Variants in PVT1 observed in about 807,000 individuals in gnomAD.
PVT1 encodes CXCR4/PVT1 fusion.
At chr8:128,074,418 G>C (rs1213483172) in intron 5 of PVT1, among the ~76,000 whole-genome samples, 1 of 151,850 alleles carries the variant, frequency 6.6e-6, no homozygotes, top group Non-Finnish European at 1.5e-5. Flanking sequence ...AGCTACTCAG[G>C]AGGCTGAGAC....
At chr8:127,957,396 A>G (rs752978917) in intron 3 of PVT1, among the ~76,000 whole-genome samples, 7 of 151,998 alleles carry the variant, frequency 4.6e-5, no homozygotes, top group Non-Finnish European at 8.8e-5. Context: ...GTGAAACCCC[A>G]TCTCTATTAA....
chr8:128,032,930 C>T (rs1294978097), intron 4 of PVT1, among the ~76,000 whole-genome samples: 11 of 152,188 alleles, frequency 7.2e-5, no homozygotes, highest in Admixed American at 7.2e-4. Flanking sequence ...GGCGAGTGAC[C>T]TCACCACACT....
chr8:127,926,697 C>T (rs1051881838), intron 3 of PVT1, among the ~76,000 whole-genome samples: 43 of 152,202 alleles, frequency 2.8e-4, no homozygotes, highest in African/African-American at 1.0e-3. Context: ...GACAGACATT[C>T]CCTCCTCAGG....
At chr8:127,964,363 C>T (rs535754306) in intron 3 of PVT1, among the ~76,000 whole-genome samples, 8 of 152,274 alleles carry the variant, frequency 5.3e-5, no homozygotes, top group African/African-American at 1.7e-4. Context: ...GATACAGCAG[C>T]GACCAACCGA....
intron 6 of PVT1, among the ~76,000 whole-genome samples, chr8:128,098,492 C>T (rs148746297): frequency 4.6e-5 from 7 of 152,314 alleles, no homozygotes; most frequent in Non-Finnish European, 8.8e-5. Context: ...CATCCGGTTG[C>T]GGCCTCTCGG....
chr8:127,886,637 T>A (rs1253676970), intron 2 of PVT1, among the ~76,000 whole-genome samples: 1 of 152,144 alleles, frequency 6.6e-6, no homozygotes, highest in Non-Finnish European at 1.5e-5. Context: ...TTTTTAATTG[T>A]AGAATTTCCA....
chr8:128,042,106 G>A lies in PVT1; in HGVS notation n.913-28054G>A, dbSNP rs559467931. The stretch of plus-strand genomic sequence containing the variant: ...TAAAGCATGTGAAGCTTCCTTAATG[G>A]CAAGTGTTGGTACAAATAGTTTTGC... On this transcript the variant is annotated intron_variant and non_coding_transcript_variant, in intron 4 of 10. Transcript: ENST00000651587. 5.3e-5 allele frequency among the ~76,000 whole-genome samples: 8 copies of A among 152,258 alleles called. No individual in the cohort carries two copies. The South Asian group carries it at 8.3e-4, about 16-fold the overall frequency.
intron 6 of PVT1, chr8:128,099,972 C>A (rs562953362): frequency 6.6e-6 from 1 of 152,116 alleles, no homozygotes; most frequent in African/African-American, 2.4e-5. Context: ...CAGCCAGCCG[C>A]AGGGTGGGTT....
chr8:127,985,708 A>G (rs1453265588), intron 3 of PVT1, among the ~76,000 whole-genome samples: 1 of 152,166 alleles, frequency 6.6e-6, no homozygotes, highest in East Asian at 1.9e-4. Flanking sequence ...AACATATCCC[A>G]AAGCTGGAGC....
chr8:127,859,055 G>A (rs540500920), intron 2 of PVT1, among the ~76,000 whole-genome samples: 7 of 151,988 alleles, frequency 4.6e-5, no homozygotes, highest in Middle Eastern at 3.4e-3. Flanking sequence ...TGATTCTCCC[G>A]TCTTAGCTTC....
chr8:128,030,367 A>G (rs1226970431), intron 4 of PVT1, among the ~76,000 whole-genome samples: 1 of 152,236 alleles, frequency 6.6e-6, no homozygotes, highest in Non-Finnish European at 1.5e-5. Flanking sequence ...AAAGTAAAGA[A>G]TAGGTTCCTC....
intron 2 of PVT1, among the ~76,000 whole-genome samples, chr8:127,810,256 A>G (rs901943280): frequency 2.6e-5 from 4 of 152,196 alleles, no homozygotes; most frequent in South Asian, 2.1e-4. Context: ...AATTCCATAC[A>G]TACTTTCTGC....
At chr8:128,048,285 G>A (rs1179958276) in intron 4 of PVT1, among the ~76,000 whole-genome samples, 1 of 152,184 alleles carries the variant, frequency 6.6e-6, no homozygotes, top group African/African-American at 2.4e-5. Flanking sequence ...AACAGAGAGA[G>A]GAGTTTTCTT....
At chr8:127,896,781 C>A (rs907407058) in intron 3 of PVT1, among the ~76,000 whole-genome samples, 70 of 92,796 alleles carry the variant, frequency 7.5e-4, no homozygotes, top group South Asian at 2.7e-3. Flanking sequence ...TCCTCCCCCC[C>A]CCCGCCCCCG....
chr8:128,019,522 G>A (rs765537333), intron 4 of PVT1, among the ~76,000 whole-genome samples: 3 of 152,196 alleles, frequency 2.0e-5, no homozygotes, highest in African/African-American at 7.2e-5. Flanking sequence ...AAACGAGTTC[G>A]CAAATTTCTT....
chr8:127,966,254 T>C (rs909274795), intron 3 of PVT1, among the ~76,000 whole-genome samples: 1 of 152,210 alleles, frequency 6.6e-6, no homozygotes, highest in Non-Finnish European at 1.5e-5. Context: ...CTCATAATTG[T>C]ACCAAAAGCT....
At chr8:127,795,141 A>AC (rs767330472) in intron 1 of PVT1, among the ~76,000 whole-genome samples, 123 of 151,794 alleles carry the variant, frequency 8.1e-4, no homozygotes, top group Non-Finnish European at 1.4e-3. Flanking sequence ...TTCCTCTCAC[A>AC]CCCCCTCAGG....
intron 2 of PVT1, among the ~76,000 whole-genome samples, chr8:127,801,028 C>G (rs1341502715): frequency 2.0e-5 from 3 of 152,078 alleles, no homozygotes; most frequent in Non-Finnish European, 4.4e-5. Flanking sequence ...GCGTTTCAGG[C>G]TCTGGGAAGA....
Position 128,005,062 on chromosome 8 carries a change from C to T in PVT1, n.912+15771C>T, listed in dbSNP as rs999630963. Among the ~76,000 whole-genome samples, 10 of 151,974 alleles carry T rather than the reference C, an allele frequency of 6.6e-5. No individual in the cohort carries two copies. The South Asian group carries it at 2.1e-3, about 32-fold the overall frequency. ...GGCTGAGGCAGGAGAATCGCTTGAA[C>T]CTGGGAGGTGGAGGTTGCAGTGAGC... On this transcript the variant is annotated intron_variant and non_coding_transcript_variant, in intron 4 of 10. Coordinates refer to ENST00000651587, the Ensembl canonical transcript of PVT1.
Sources: allele counts gnomAD v4.1 joint callset (sites outside exome capture counted in the v4.1 genomes callset), GRCh38; gene constraint gnomAD v4.1.1; transcripts MANE v1.5; gene names NCBI Gene and HGNC (gene_info 2026-07-23, HGNC 2026-07-21).